ATP2C1: variants seen among roughly 807,000 people sequenced by gnomAD.
The protein encoded by ATP2C1 is calcium-transporting ATPase type 2C member 1.
Under a neutral mutation model 120.5 loss-of-function variants are expected in ATP2C1, and 31 were observed. That is an observed-to-expected ratio of 0.26 (90% CI 0.19 to 0.35). The LOEUF is 0.35. ATP2C1 is among the 10% of genes least tolerant of loss of function. ATP2C1 has a pLI of 1.00. For synonymous variants in ATP2C1, 351 were observed against 358.7 expected (o/e 0.98, Z 0.24); for missense variants, 731 against 1,107.5 (o/e 0.66, Z 4.83).
chr3:130,994,120 G>A, intron 22 of ATP2C1, 22 bp downstream of exon 22: 1 of 1,613,468 alleles, frequency 6.2e-7, no homozygotes, highest in Non-Finnish European at 8.5e-7. Flanking sequence ...TTCAGTGAAT[G>A]CCTATCAGAG....
At chr3:130,918,366 C>T (rs866413170) in intron 2 of ATP2C1, 3 of 1,532,480 alleles carry the variant, frequency 2.0e-6, no homozygotes, top group South Asian at 1.1e-5. Flanking sequence ...CTTTGCACAT[C>T]GGAAATAGTT....
intron 2 of ATP2C1, among the ~76,000 whole-genome samples, chr3:130,919,545 G>A (rs777608284): frequency 2.2e-4 from 33 of 152,072 alleles, no homozygotes; most frequent in Admixed American, 6.6e-5. Context: ...AGGCTACATA[G>A]TATTCCATTG....
chr3:130,864,116 C>G (rs2068096219), intron 1 of ATP2C1, among the ~76,000 whole-genome samples: 1 of 152,098 alleles, frequency 6.6e-6, no homozygotes, highest in Non-Finnish European at 1.5e-5. Context: ...TGGCTTTGTC[C>G]AAAATGCTGA....
chr3:130,899,023 CTT>C (rs1158971816), intron 2 of ATP2C1, among the ~76,000 whole-genome samples: 1 of 152,074 alleles, frequency 6.6e-6, no homozygotes, highest in Non-Finnish European at 1.5e-5. Flanking sequence ...ACAAGGTTAT[CTT>C]TATGCTTTTC....
In ATP2C1 at chr3:130,945,428, A is replaced by G. The variant is rs1242183176; in HGVS notation, c.531+3729A>G. 6.6e-5 allele frequency among the ~76,000 whole-genome samples: 10 copies of G among 151,836 alleles called. No individual in the cohort carries two copies. In the East Asian group the frequency reaches 1.7e-3, roughly 26 times the overall value. ...TGTGCACAACATGCAGGTTTGTTAC[A>G]TATGTATACAAGTGCCATGTTGGTG... On this transcript the variant is annotated intron_variant, in intron 8 of 27. Transcript: ENST00000510168.
intron 1 of ATP2C1, among the ~76,000 whole-genome samples, chr3:130,859,772 C>T (rs1006340762): frequency 2.0e-5 from 3 of 152,108 alleles, no homozygotes; most frequent in African/African-American, 7.2e-5. Context: ...ACCTACTGTG[C>T]TCTGGTGCCT....
At chr3:130,891,195 C>T (rs1302328496), upstream of ATP2C1, among the ~76,000 whole-genome samples, 5 of 152,102 alleles carry the variant, frequency 3.3e-5, no homozygotes, top group Non-Finnish European at 5.9e-5. Context: ...TTAAAACAGC[C>T]TTTAAAAGAA....
At chr3:130,894,049 G>C (rs2069342498), upstream of ATP2C1, 2 of 986,400 alleles carry the variant, frequency 2.0e-6, no homozygotes, top group Non-Finnish European at 2.4e-6. This position sits in a 1 kb window ranked among gnomAD's most constrained non-coding sequence, Gnocchi z 4.5. Context: ...GCCGGCGGCG[G>C]GGAGGGGCGG....
At chr3:130,900,900 C>T (rs999179290) in intron 2 of ATP2C1, among the ~76,000 whole-genome samples, 1 of 152,120 alleles carries the variant, frequency 6.6e-6, no homozygotes, top group Admixed American at 6.5e-5. Flanking sequence ...TGTATGCAGG[C>T]ATTTCACTAG....
chr3:130,882,163 A>G (rs938567398), intron 1 of ATP2C1, among the ~76,000 whole-genome samples: 5 of 151,594 alleles, frequency 3.3e-5, no homozygotes, highest in Non-Finnish European at 7.4e-5. Context: ...GTTTTTCCCC[A>G]TTCAGGGTAA....
intron 26 of ATP2C1, chr3:131,016,038 T>G: frequency 2.0e-5 from 27 of 1,344,856 alleles, no homozygotes; most frequent in South Asian, 2.5e-5. Context: ...TTTTTTTTTG[T>G]TTTGGTTTTT....
At chr3:130,940,718 T>C (rs1344031805) in intron 7 of ATP2C1, 27 bp downstream of exon 7, 4 of 1,561,548 alleles carry the variant, frequency 2.6e-6, no homozygotes, top group Non-Finnish European at 3.5e-6. Context: ...GGTATGGATT[T>C]CTGCCCCTTT....
chr3:130,900,724 A>G (rs1576634698), intron 2 of ATP2C1, among the ~76,000 whole-genome samples: 1 of 152,292 alleles, frequency 6.6e-6, no homozygotes. Context: ...TTAGTACATA[A>G]ACGTTCTGTT....
At chr3:131,005,304 G>A (rs2063065646), downstream of ATP2C1, among the ~76,000 whole-genome samples, 1 of 151,808 alleles carries the variant, frequency 6.6e-6, no homozygotes, top group Admixed American at 6.6e-5. Flanking sequence ...TTTCGGTAGA[G>A]GCAGGGTTTC....
At chr3:131,013,990 G>C in intron 26 of ATP2C1, 1 of 1,168,320 alleles carries the variant, frequency 8.6e-7, no homozygotes, top group East Asian at 2.4e-5. Flanking sequence ...ATTGTTTCAA[G>C]GGTGGTAACG....
At chr3:130,972,810 C>T (rs938116293) in intron 17 of ATP2C1, among the ~76,000 whole-genome samples, 3 of 150,902 alleles carry the variant, frequency 2.0e-5, no homozygotes, top group Non-Finnish European at 4.4e-5. Flanking sequence ...TTTTTTATGG[C>T]TGCATAGTAT....
intron 2 of ATP2C1, among the ~76,000 whole-genome samples, chr3:130,900,480 G>A (rs1257746016): frequency 2.0e-5 from 3 of 151,980 alleles, no homozygotes; most frequent in Non-Finnish European, 4.4e-5. Context: ...GGAAAAAGCA[G>A]GACCCTAAAT....
At chr3:130,920,754 G>C (rs969781989) in intron 2 of ATP2C1, among the ~76,000 whole-genome samples, 15 of 152,052 alleles carry the variant, frequency 9.9e-5, no homozygotes, top group African/African-American at 3.6e-4. Flanking sequence ...AGAATTTATA[G>C]ATCACTTTGA....
At chr3:130,983,582 T>C (rs1384199013) in intron 20 of ATP2C1, among the ~76,000 whole-genome samples, 1 of 152,262 alleles carries the variant, frequency 6.6e-6, no homozygotes, top group Non-Finnish European at 1.5e-5. Context: ...ACAATTTCTT[T>C]TGAGACGGAG....
Sources: allele counts gnomAD v4.1 joint callset (sites outside exome capture counted in the v4.1 genomes callset), GRCh38; gene constraint gnomAD v4.1.1; non-coding constraint Gnocchi (gnomAD v3.1); transcripts MANE v1.5; gene names NCBI Gene and HGNC (gene_info 2026-07-23, HGNC 2026-07-21).